Variants in ERC2 observed in about 807,000 individuals in gnomAD.
ERC2 encodes the protein ERC protein 2.
In ERC2, 42 loss-of-function variants were observed where a neutral mutation model predicts 114.8. That is an observed-to-expected ratio of 0.37 (90% CI 0.29 to 0.47). The LOEUF is 0.47. Among genes scored for constraint, ERC2 ranks in the 20% least tolerant of loss-of-function variants. ERC2 has a pLI of 0.99. For missense variants in ERC2, 939 were observed against 1,150.7 expected (o/e 0.82, Z 2.66); for synonymous variants, 454 against 425.5 (o/e 1.07, Z -0.82).
At chr3:55,753,407 C>T (rs2066846201) in intron 14 of ERC2, among the ~76,000 whole-genome samples, 1 of 152,176 alleles carries the variant, frequency 6.6e-6, no homozygotes, top group Non-Finnish European at 1.5e-5. Flanking sequence ...CTAAGAGGTT[C>T]ACAGAAGATC....
chr3:56,016,025 T>G (rs1476751880), intron 8 of ERC2, among the ~76,000 whole-genome samples: 1 of 152,204 alleles, frequency 6.6e-6, no homozygotes, highest in Non-Finnish European at 1.5e-5. Flanking sequence ...TGTCTGTTCA[T>G]GTCTTTTGAC....
intron 2 of ERC2, among the ~76,000 whole-genome samples, chr3:56,361,409 A>G (rs536662571): frequency 7.2e-5 from 11 of 152,338 alleles, no homozygotes; most frequent in African/African-American, 2.6e-4. Context: ...AGGATTCTGA[A>G]GTGAAAACAG....
chr3:55,738,287 G>A (rs962027412), intron 14 of ERC2, among the ~76,000 whole-genome samples: 2 of 152,118 alleles, frequency 1.3e-5, no homozygotes, highest in Non-Finnish European at 2.9e-5. Flanking sequence ...AACAAGGACA[G>A]GAAGGAAGTA....
chr3:55,617,227 G>A (rs941662973), intron 17 of ERC2, among the ~76,000 whole-genome samples: 1 of 152,180 alleles, frequency 6.6e-6, no homozygotes, highest in Non-Finnish European at 1.5e-5. Context: ...TTTGGGGCAA[G>A]AAATATTTCC....
At chr3:55,868,977 G>T (rs917908846) in intron 14 of ERC2, among the ~76,000 whole-genome samples, 1 of 152,068 alleles carries the variant, frequency 6.6e-6, no homozygotes, top group African/African-American at 2.4e-5. Flanking sequence ...AGTTCTGGGA[G>T]CCTCTTTCAT....
intron 17 of ERC2, among the ~76,000 whole-genome samples, chr3:55,649,133 T>C (rs1315405036): frequency 6.6e-6 from 1 of 152,264 alleles, no homozygotes; most frequent in East Asian, 1.9e-4. Context: ...AATACACCTG[T>C]GACAGGCATA....
intron 16 of ERC2, among the ~76,000 whole-genome samples, chr3:55,698,566 T>C (rs17055764): frequency 0.036 from 5,464 of 152,262 alleles, 126 homozygotes; most frequent in African/African-American, 0.057. Context: ...GGTTCTATTT[T>C]GTTACCTATT....
intron 11 of ERC2, among the ~76,000 whole-genome samples, chr3:55,986,297 G>A (rs1302793864): frequency 6.6e-6 from 1 of 152,136 alleles, no homozygotes; most frequent in Non-Finnish European, 1.5e-5. Flanking sequence ...GACAGCATCA[G>A]CCCTTCTCTG....
At chr3:56,385,663 C>T (rs562894829) in intron 2 of ERC2, among the ~76,000 whole-genome samples, 1 of 152,288 alleles carries the variant, frequency 6.6e-6, no homozygotes, top group Admixed American at 6.5e-5. Flanking sequence ...TAAGGCACCT[C>T]CTCCACTAAT....
At chr3:56,288,987 T>A (rs2054905141) in intron 3 of ERC2, among the ~76,000 whole-genome samples, 1 of 152,214 alleles carries the variant, frequency 6.6e-6, no homozygotes, top group Non-Finnish European at 1.5e-5. Context: ...AATTATCAGA[T>A]GTGTGTGAAA....
At chr3:56,415,640 T>G (rs1252622257) in intron 2 of ERC2, among the ~76,000 whole-genome samples, 1 of 152,242 alleles carries the variant, frequency 6.6e-6, no homozygotes, top group Non-Finnish European at 1.5e-5. Flanking sequence ...TATATTTCTG[T>G]AGCATTTCTA....
chr3:55,867,693 T>C (rs1267194725), intron 14 of ERC2, among the ~76,000 whole-genome samples: 3 of 152,184 alleles, frequency 2.0e-5, no homozygotes, highest in Non-Finnish European at 4.4e-5. Context: ...AGTCAATATT[T>C]CTCATAATAT....
intron 2 of ERC2, among the ~76,000 whole-genome samples, chr3:56,363,965 C>T (rs923421439): frequency 2.0e-5 from 3 of 151,978 alleles, no homozygotes; most frequent in African/African-American, 7.3e-5. Context: ...TTTAATATTC[C>T]CTCATTGCTT....
At chr3:56,403,969 A>C (rs1352772649) in intron 2 of ERC2, among the ~76,000 whole-genome samples, 1 of 152,192 alleles carries the variant, frequency 6.6e-6, no homozygotes, top group East Asian at 1.9e-4. Flanking sequence ...TTTTGTCTAC[A>C]TTTGATAATT....
At chr3:56,136,978 T>C (rs2080545783) in intron 6 of ERC2, among the ~76,000 whole-genome samples, 1 of 152,262 alleles carries the variant, frequency 6.6e-6, no homozygotes, top group Non-Finnish European at 1.5e-5. Flanking sequence ...TTGGTCATTT[T>C]AATTATTGAA....
chr3:56,364,802 G>GA (rs953668050), intron 2 of ERC2, among the ~76,000 whole-genome samples: 6 of 152,188 alleles, frequency 3.9e-5, no homozygotes, highest in African/African-American at 1.4e-4. Flanking sequence ...CATGGTGGTG[G>GA]AATGCCAGAA....
intron 3 of ERC2, chr3:56,185,087 T>G (rs913557978): frequency 1.3e-5 from 2 of 152,240 alleles, no homozygotes; most frequent in African/African-American, 4.8e-5. Context: ...TTATTCTATT[T>G]CTTACATGAC....
intron 2 of ERC2, among the ~76,000 whole-genome samples, chr3:56,350,957 G>A (rs903317909): frequency 1.3e-5 from 2 of 152,158 alleles, no homozygotes; most frequent in Non-Finnish European, 2.9e-5. Flanking sequence ...GACTACAAAA[G>A]CTTAGAGAGT....
At chr3:55,832,886 G>C (rs1476012427) in intron 14 of ERC2, among the ~76,000 whole-genome samples, 1 of 152,086 alleles carries the variant, frequency 6.6e-6, no homozygotes, top group Non-Finnish European at 1.5e-5. Context: ...TGTATAACTA[G>C]AATAACCAAT....
Sources: gnomAD v4.1 joint callset for allele counts (sites outside exome capture counted in the v4.1 genomes callset) on GRCh38, gnomAD v4.1.1 for gene constraint, MANE v1.5 for transcripts, NCBI Gene and HGNC (gene_info 2026-07-23, HGNC 2026-07-21) for gene names.